Variants in ATP8B1 observed in about 807,000 individuals in gnomAD.
ATP8B1 encodes the protein ATPase phospholipid transporting 8B1.
A neutral mutation model predicts 149.9 loss-of-function variants in ATP8B1; 80 were observed. The observed-to-expected ratio is 0.53, with a 90% CI of 0.45 to 0.64. The LOEUF is 0.64. ATP8B1 is among the 30% of genes least tolerant of loss of function. The pLI is 0.00. For missense variants in ATP8B1, 1,247 were observed against 1,552.6 expected, an observed-to-expected ratio of 0.80 and a Z score of 3.31; for synonymous variants, 536 against 562.8, an observed-to-expected ratio of 0.95 and a Z score of 0.67.
Position 57,787,488 on chromosome 18 carries a change from AGGAGCTCCATCTAGAACAATGCGGGT to A in ATP8B1, c.-26+15484_-26+15509del, listed in dbSNP as rs1392133251. On this transcript the variant is annotated intron_variant, in intron 1 of 27. Coordinates refer to ENST00000648908, the MANE Select transcript of ATP8B1 (RefSeq NM_001374385.1). ...GGAGCTCCATCTAGAACACTGCGGGAGGAGCTCCATCTAGAACAATGCGGGTGGAGCTCCATCTAGGACACTGTGGG... is the reference window on the plus strand; with the variant it reads ...GGAGCTCCATCTAGAACACTGCGGGAGGAGCTCCATCTAGGACACTGTGGG... 1.2e-4 allele frequency among the ~76,000 whole-genome samples: 16 copies of A among 138,834 alleles called. No homozygotes were observed. The South Asian group carries it at 2.9e-3, about 25-fold the overall frequency. The allele number at this position is 138,834 out of a possible 152,430, so 91.1% of individuals were successfully genotyped here. A position where few individuals can be genotyped will look rare whatever the true frequency, so the allele number is the denominator to read the frequency against.
chr18:57,670,257 G>A (rs1911142367), intron 17 of ATP8B1, among the ~76,000 whole-genome samples: 1 of 151,912 alleles, frequency 6.6e-6, no homozygotes, highest in Admixed American at 6.6e-5. Context: ...ACAAGCCATT[G>A]TTAAAGCTGA....
At chr18:57,689,968 A>G (rs1228865485) in intron 12 of ATP8B1, among the ~76,000 whole-genome samples, 1 of 152,198 alleles carries the variant, frequency 6.6e-6, no homozygotes, top group Non-Finnish European at 1.5e-5. Context: ...GTGAGCTGAG[A>G]TCGCGCGACT....
At chr18:57,739,611 C>T (rs1297591982) in intron 1 of ATP8B1, among the ~76,000 whole-genome samples, 1 of 152,168 alleles carries the variant, frequency 6.6e-6, no homozygotes. Flanking sequence ...AGTTGTCTTA[C>T]ACCAAAGTTC....
intron 15 of ATP8B1, among the ~76,000 whole-genome samples, chr18:57,683,676 G>A (rs1172431354): frequency 1.3e-5 from 2 of 152,142 alleles, no homozygotes; most frequent in Non-Finnish European, 2.9e-5. Flanking sequence ...TTCTGATACA[G>A]ATAAAGCTTG....
chr18:57,652,954 A>G (rs930686120), intron 24 of ATP8B1, among the ~76,000 whole-genome samples: 2 of 152,212 alleles, frequency 1.3e-5, no homozygotes, highest in African/African-American at 2.4e-5. Flanking sequence ...AGGGCTAGGT[A>G]TAAGTTTATT....
Position 57,758,143 on chromosome 18 carries a change from G to A in ATP8B1, c.-25-26311C>T, listed in dbSNP as rs182366970. ...CGAAGTGCTGAGATTATAAGCATGA[G>A]CCACCAAGTCTGGCCCCATCCTTGA... On this transcript the variant is annotated intron_variant, in intron 1 of 27. Coordinates refer to ENST00000648908, the MANE Select transcript of ATP8B1 (RefSeq NM_001374385.1). 2.4e-3 allele frequency among the ~76,000 whole-genome samples: 369 copies of A among 152,188 alleles called. 8 individuals carry two copies. The highest frequency in any genetic ancestry group is 0.019 in the Admixed American group (287 of 15,284).
intron 22 of ATP8B1, among the ~76,000 whole-genome samples, chr18:57,658,311 A>G (rs1910147427): frequency 6.6e-6 from 1 of 152,100 alleles, no homozygotes; most frequent in Non-Finnish European, 1.5e-5. Context: ...TGGCCTCCCA[A>G]AGTGCTGGGA....
chr18:57,650,528 G>C lies in ATP8B1; in HGVS notation c.3401-31C>G, dbSNP rs1471020169. The C allele has an allele frequency of 1.9e-6, 3 of 1,607,824 alleles. No homozygotes were observed. The African/African-American group carries it at 4.0e-5, about 22-fold the overall frequency. ...AAGAACATGGCAAATGCATCACTGT[G>C]GTTCTTTTTTCCTAAGAACATAGTT... On this transcript the variant is annotated intron_variant, in intron 26 of 27. Transcript: ENST00000648908.
intron 1 of ATP8B1, among the ~76,000 whole-genome samples, chr18:57,758,159 C>G (rs1298800851): frequency 6.6e-6 from 1 of 152,054 alleles, no homozygotes; most frequent in African/African-American, 2.4e-5. Flanking sequence ...AAGTCTGGCC[C>G]CATCCTTGAT....
intron 2 of ATP8B1, among the ~76,000 whole-genome samples, chr18:57,712,394 CAG>C (rs1913732023): frequency 6.6e-6 from 1 of 152,128 alleles, no homozygotes; most frequent in African/African-American, 2.4e-5. Flanking sequence ...TGCCCTGTTA[CAG>C]ACAGTAGAAA....
intron 1 of ATP8B1, among the ~76,000 whole-genome samples, chr18:57,732,840 G>GGTGTGA (rs1568044844): frequency 1.0e-3 from 6 of 5,796 alleles, no homozygotes; most frequent in African/African-American, 1.6e-3. Flanking sequence ...TGGGATTACA[G>GGTGTGA]GCCCGCGCCC....
chr18:57,673,637 T>C (rs1171494511), intron 16 of ATP8B1, among the ~76,000 whole-genome samples: 1 of 151,298 alleles, frequency 6.6e-6, no homozygotes, highest in African/African-American at 2.4e-5. Flanking sequence ...TGTATATATA[T>C]AGGTATATAT....
At position 57,800,094 on chromosome 18, in the gene ATP8B1, G is replaced by A. The variant is rs550861979; in HGVS notation, c.-26+2904C>T. ...ACAAGATACCTAAAGACACCACTAA[G>A]AAAAACTTTCCAGGAGACTAAACTA... On this transcript the variant is annotated intron_variant, in intron 1 of 27. Coordinates refer to ENST00000648908, the MANE Select transcript of ATP8B1 (RefSeq NM_001374385.1). Among the ~76,000 whole-genome samples, 3 of 152,280 alleles carry A rather than the reference G, an allele frequency of 2.0e-5. No individual in the cohort carries two copies. In the South Asian group the frequency reaches 6.2e-4, roughly 32 times the overall value.
chr18:57,666,029 C>T (rs1910834874), intron 20 of ATP8B1, among the ~76,000 whole-genome samples: 1 of 152,162 alleles, frequency 6.6e-6, no homozygotes, highest in African/African-American at 2.4e-5. Context: ...TTATCACCAT[C>T]ATTAGAAATA....
intron 1 of ATP8B1, chr18:57,738,107 C>T (rs2079876497): frequency 1.3e-5 from 2 of 152,132 alleles, no homozygotes; most frequent in Non-Finnish European, 2.9e-5. Flanking sequence ...GGAAGATTTT[C>T]CCAGATCTAA....
At chr18:57,662,455 A>C in intron 21 of ATP8B1, 28 bp downstream of exon 21, 1 of 1,613,714 alleles carries the variant, frequency 6.2e-7, no homozygotes, top group Non-Finnish European at 8.5e-7. Context: ...TTTTGAGTTA[A>C]AGGCACAGAT....
chr18:57,759,189 C>T (rs1307944068), intron 1 of ATP8B1, among the ~76,000 whole-genome samples: 2 of 137,712 alleles, frequency 1.5e-5, no homozygotes, highest in Non-Finnish European at 3.2e-5. Context: ...AAAAGAAATC[C>T]ATAGATCCCA....
At chr18:57,685,153 C>T in intron 13 of ATP8B1, 38 bp from the exon 14 acceptor site, 1 of 1,611,060 alleles carries the variant, frequency 6.2e-7, no homozygotes, top group East Asian at 2.2e-5. Flanking sequence ...TGATTCTACA[C>T]CTATGTCCAG....
At chr18:57,754,966 T>C (rs949759809) in intron 1 of ATP8B1, among the ~76,000 whole-genome samples, 5 of 152,176 alleles carry the variant, frequency 3.3e-5, no homozygotes, top group Non-Finnish European at 1.5e-5. Flanking sequence ...CAAGGCAACT[T>C]AGAGTTGGTA....
Sources: gnomAD v4.1 joint callset for allele counts (sites outside exome capture counted in the v4.1 genomes callset) on GRCh38, gnomAD v4.1.1 for gene constraint, MANE v1.5 for transcripts, NCBI Gene and HGNC (gene_info 2026-07-23, HGNC 2026-07-21) for gene names.